XG: variants seen among roughly 807,000 people sequenced by gnomAD.
XG encodes Xg glycoprotein (Xg blood group), also known as glycoprotein Xg.
XG carries 24 observed loss-of-function variants against 25.7 expected under a neutral mutation model. The ratio of observed to expected loss-of-function variants is 0.93; its 90% CI spans 0.68 to 1.31. The LOEUF (loss-of-function observed/expected upper bound fraction) is 1.31. Among genes scored for constraint, XG ranks in the 40% most tolerant of loss-of-function variants. The probability of loss-of-function intolerance (pLI) is 0.00; values close to 1 mark genes in which losing one functional copy is unlikely to be tolerated. For synonymous variants in XG, 77 were observed against 69.2 expected, an observed-to-expected ratio of 1.11 and a Z score of -0.56; for missense variants, 181 against 187.6, an observed-to-expected ratio of 0.96 and a Z score of 0.21.
chrX:2,768,499 G>T (rs748114840), intron 1 of XG, among the ~76,000 whole-genome samples: 9 of 152,200 alleles, frequency 5.9e-5, no homozygotes, highest in African/African-American at 2.2e-4. Flanking sequence ...CAGGTGCGGT[G>T]GCTCACGCCT....
intron 1 of XG, among the ~76,000 whole-genome samples, chrX:2,764,250 C>T (rs1377289704): frequency 6.6e-6 from 1 of 152,154 alleles, no homozygotes; most frequent in Non-Finnish European, 1.5e-5. Context: ...TTAGCATATC[C>T]TCAAGAAAGA....
Position 2,814,293 on chromosome X carries a change from T to C in XG, c.572-71T>C, listed in dbSNP as rs1292917392. The C allele has an allele frequency of 3.6e-6, 4 of 1,116,414 alleles. No individual in the cohort carries two copies. The African/African-American group carries it at 8.2e-5, about 23-fold the overall frequency. 92.0% of individuals were successfully genotyped at this position (1,116,414 alleles called of 1,213,427 possible). ...ACAGCATAGAATTGGATCTTGGTTTTCTTTTTCTCTGTTTAATAAGACTTT... is the reference window on the plus strand; with the variant it reads ...ACAGCATAGAATTGGATCTTGGTTTCCTTTTTCTCTGTTTAATAAGACTTT... On this transcript the variant is annotated intron_variant, in intron 10 of 10. Transcript: ENST00000644266.
intron 1 of XG, among the ~76,000 whole-genome samples, chrX:2,754,480 A>G (rs984403438): frequency 1.3e-5 from 2 of 152,182 alleles, no homozygotes; most frequent in South Asian, 2.1e-4. Flanking sequence ...CCTCAGCCCT[A>G]TGACGGGAGT....
intron 3 of XG, 83 bp from the exon 4 acceptor site, chrX:2,781,983 C>T (rs762340045): frequency 5.0e-6 from 5 of 995,543 alleles, no homozygotes; most frequent in Non-Finnish European, 7.1e-6. Flanking sequence ...TCGATAGTCA[C>T]GCTGATGAGC....
At chrX:2,781,411 T>C (rs2087766066) in intron 3 of XG, among the ~76,000 whole-genome samples, 1 of 151,062 alleles carries the variant, frequency 6.6e-6, no homozygotes, top group African/African-American at 2.4e-5. Context: ...TTAGATTAAG[T>C]CAATTTACTG....
At chrX:2,795,269 TA>T (rs2086874162) in intron 6 of XG, among the ~76,000 whole-genome samples, 1 of 107,879 alleles carries the variant, frequency 9.3e-6, no homozygotes, top group Non-Finnish European at 1.9e-5. Context: ...TATATCTTTT[TA>T]AAAATATATC....
intron 2 of XG, among the ~76,000 whole-genome samples, chrX:2,773,105 G>A (rs1451342921): frequency 6.6e-6 from 1 of 150,420 alleles, no homozygotes; most frequent in Non-Finnish European, 1.5e-5. Flanking sequence ...GGAAGGAAGG[G>A]AAAAGGAAGA....
At chrX:2,774,048 A>G (rs143637493) in intron 2 of XG, among the ~76,000 whole-genome samples, 124 of 152,252 alleles carry the variant, frequency 8.1e-4, no homozygotes, top group African/African-American at 2.8e-3. Flanking sequence ...CTACCAAGGC[A>G]ATGCTAGGCT....
Position 2,794,613 on chromosome X carries a change from G to C in XG, c.322+10G>C, listed in dbSNP as rs2086867114. On this transcript the variant is annotated intron_variant, in intron 6 of 10. Coordinates refer to ENST00000644266, the MANE Select transcript of XG (RefSeq NM_001141919.2). Reference sequence around the variant, plus strand: ...CCACGGCCGCCTGCAGGTAGGTGCCGAGCCTCCCCAGATGCGACACATTGA... The same window carrying C: ...CCACGGCCGCCTGCAGGTAGGTGCCCAGCCTCCCCAGATGCGACACATTGA... 8.3e-7 allele frequency: 1 copy of C among 1,208,182 alleles called. No individual in the cohort carries two copies. The highest frequency in any genetic ancestry group is 1.1e-6 in the Non-Finnish European group (1 of 894,293).
rs920064456 is a variant in XG at position 2,752,454 on chromosome X, G to C, written c.61+119G>C. Reference sequence around the variant, plus strand: ...TGAATGGGGATAATTTGCCCAATGGGATTAGAAAGGAGACTAAGAGCGATG... The same window carrying C: ...TGAATGGGGATAATTTGCCCAATGGCATTAGAAAGGAGACTAAGAGCGATG... On this transcript the variant is annotated intron_variant, in intron 1 of 10. Coordinates refer to ENST00000644266, the MANE Select transcript of XG (RefSeq NM_001141919.2). 2.9e-6 allele frequency: 4 copies of C among 1,368,754 alleles called. No individual in the cohort carries two copies. In the African/African-American group the frequency reaches 5.8e-5, roughly 20 times the overall value. The allele number at this position is 1,368,754 out of a possible 1,614,324, so 84.8% of individuals were successfully genotyped here. A position where few individuals can be genotyped will look rare whatever the true frequency, so the allele number is the denominator to read the frequency against.
intron 1 of XG, among the ~76,000 whole-genome samples, chrX:2,769,422 TC>T (rs2050767471): frequency 6.6e-6 from 1 of 152,204 alleles, no homozygotes; most frequent in Non-Finnish European, 1.5e-5. Flanking sequence ...CTCAGTTTCT[TC>T]CTTTGGGAAA....
intron 1 of XG, among the ~76,000 whole-genome samples, chrX:2,755,870 G>A (rs1054786403): frequency 2.6e-5 from 4 of 151,974 alleles, no homozygotes; most frequent in African/African-American, 4.8e-5. Context: ...AGGCTGGTGC[G>A]ATGATTGCTA....
At chrX:2,794,715 A>G in intron 6 of XG, 112 bp downstream of exon 6, 1 of 876,154 alleles carries the variant, frequency 1.1e-6, no homozygotes, top group Non-Finnish European at 1.6e-6. Context: ...GTTGGTGACG[A>G]GCAGACGATA....
At chrX:2,776,740 TG>T (rs987000362) in intron 3 of XG, among the ~76,000 whole-genome samples, 13 of 152,024 alleles carry the variant, frequency 8.6e-5, no homozygotes, top group African/African-American at 3.1e-4. Context: ...CTCAGCTACT[TG>T]GGAGGCTGAG....
At chrX:2,801,748 G>T (rs1176566452) in intron 7 of XG, among the ~76,000 whole-genome samples, 23 of 109,967 alleles carry the variant, frequency 2.1e-4, no homozygotes, top group South Asian at 1.5e-3. Context: ...TCGCTCTGTC[G>T]CCCAGGCTGG....
intron 10 of XG, among the ~76,000 whole-genome samples, 186 bp from the exon 11 acceptor site, chrX:2,814,177 GT>G (rs1239486532): frequency 9.0e-6 from 1 of 111,024 alleles, no homozygotes; most frequent in Non-Finnish European, 1.9e-5. Flanking sequence ...GACAAACATT[GT>G]ATATATTTAA....
At chrX:2,758,141 C>G (rs907550431) in intron 1 of XG, among the ~76,000 whole-genome samples, 1 of 152,012 alleles carries the variant, frequency 6.6e-6, no homozygotes, top group Non-Finnish European at 1.5e-5. Context: ...TCTCCCTGCC[C>G]CCTCCTTCCC....
chrX:2,791,119 C>T (rs1242831460), intron 5 of XG, among the ~76,000 whole-genome samples: 4 of 109,856 alleles, frequency 3.6e-5, no homozygotes, highest in Non-Finnish European at 7.6e-5. Flanking sequence ...GAGTTATCTG[C>T]GGCCACTTTG....
chrX:2,808,503 T>C, intron 9 of XG: 2 of 980,762 alleles, frequency 2.0e-6, no homozygotes, highest in Non-Finnish European at 2.6e-6. Context: ...CTATTACATT[T>C]CTCCCAGTAC....
Sources: allele counts gnomAD v4.1 joint callset (sites outside exome capture counted in the v4.1 genomes callset), GRCh38; gene constraint gnomAD v4.1.1; transcripts MANE v1.5; gene names NCBI Gene and HGNC (gene_info 2026-07-23, HGNC 2026-07-21).